The following TNFRSF10C variants were observed in gnomAD, a reference collection of about 807,000 sequenced individuals.
The protein encoded by TNFRSF10C is TNF receptor superfamily member 10c, also known as tumor necrosis factor receptor superfamily member 10C.
In TNFRSF10C, 17 loss-of-function variants were observed where a neutral mutation model predicts 16.7. The ratio of observed to expected loss-of-function variants is 1.02; its 90% CI spans 0.70 to 1.53. The LOEUF (loss-of-function observed/expected upper bound fraction) is 1.53, where lower values mean the gene tolerates loss of function less well. TNFRSF10C is among the 40% of genes most tolerant of loss of function. The pLI is 0.00. For synonymous variants in TNFRSF10C, 73 were observed against 119.7 expected (o/e 0.61, Z 2.55); for missense variants, 237 against 329.7 (o/e 0.72, Z 2.18).
intron 1 of TNFRSF10C, among the ~76,000 whole-genome samples, chr8:23,105,074 T>C (rs141199756): frequency 6.6e-6 from 1 of 152,246 alleles, no homozygotes; most frequent in East Asian, 1.9e-4. Context: ...ACACCATTCC[T>C]CTCTCTATCA....
intron 1 of TNFRSF10C, among the ~76,000 whole-genome samples, chr8:23,109,970 T>G (rs10103755): frequency 0.11 from 16,510 of 148,570 alleles, 1,190 homozygotes; most frequent in East Asian, 0.35. Context: ...GCAGGACCAC[T>G]TGAGCCTGGG....
intron 4 of TNFRSF10C, 30 bp from the exon 5 acceptor site, chr8:23,116,611 G>A (rs577124879): frequency 5.9e-5 from 94 of 1,600,066 alleles, no homozygotes; most frequent in Non-Finnish European, 7.7e-5. Flanking sequence ...TCCCTCAGGA[G>A]TCCTCACCTC....
rs56263402 is a variant in TNFRSF10C, at chr8:23,110,069, CAAAAAAAAA to C, written c.61-1633_61-1625del. ...GGAGGACAGAGGGAGACCCTGTCTC[CAAAAAAAAA>C]AAAAAAAAAAAAAAAAAGACAAAAT... is the stretch of plus-strand genomic sequence containing the variant. On this transcript the variant is annotated intron_variant, in intron 1 of 4. Coordinates refer to ENST00000356864, the MANE Select transcript of TNFRSF10C (RefSeq NM_003841.5). 5.0e-4 allele frequency among the ~76,000 whole-genome samples: 20 copies of C among 39,650 alleles called. No individual in the cohort carries two copies. The South Asian group carries it at 7.8e-3, about 15-fold the overall frequency. The allele number at this position is 39,650 out of a possible 152,430, so 26.0% of individuals were successfully genotyped here. A position where few individuals can be genotyped will look rare whatever the true frequency, so the allele number is the denominator to read the frequency against.
At position 23,116,636 on chromosome 8, in the gene TNFRSF10C, C is replaced by T. The variant is rs919674401; in HGVS notation, c.390-5C>T. On this transcript the variant is annotated splice_region_variant and splice_polypyrimidine_tract_variant and intron_variant, in intron 4 of 4. Transcript: ENST00000356864. ...GTCCTCACCTCCCTCTCTGTGTGTA[C>T]CCAGGTGCCCTAGTGGGGAAGTCCA... is the stretch of plus-strand genomic sequence containing the variant. 2.5e-6 allele frequency: 4 copies of T among 1,611,692 alleles called. No individual in the cohort carries two copies. Among genetic ancestry groups the T allele is most frequent in the South Asian group, 1.1e-5 (1 of 90,814 alleles).
intron 3 of TNFRSF10C, 56 bp downstream of exon 3, chr8:23,114,826 A>G: frequency 6.7e-7 from 1 of 1,494,936 alleles, no homozygotes; most frequent in Non-Finnish European, 9.3e-7. Context: ...ATGAGGTGGG[A>G]GTTGTAGCCG....
chr8:23,115,057 C>T (rs554312098), intron 3 of TNFRSF10C, among the ~76,000 whole-genome samples: 5 of 152,236 alleles, frequency 3.3e-5, no homozygotes, highest in African/African-American at 9.6e-5. Flanking sequence ...AGTAGTGGCA[C>T]GGGTCTGCTC....
intron 1 of TNFRSF10C, among the ~76,000 whole-genome samples, chr8:23,109,634 CAAA>C (rs57125788): frequency 2.9e-5 from 4 of 139,950 alleles, no homozygotes; most frequent in African/African-American, 2.7e-5. Context: ...GACTCCATCT[CAAA>C]AAAAAAAAAG....
intron 1 of TNFRSF10C, among the ~76,000 whole-genome samples, chr8:23,106,222 T>A (rs1813772803): frequency 1.3e-5 from 2 of 151,964 alleles, no homozygotes; most frequent in South Asian, 4.1e-4. Context: ...AGGGATTATA[T>A]AACTAATAGG....
intron 1 of TNFRSF10C, chr8:23,103,396 TG>T (rs749131720): frequency 2.8e-4 from 230 of 810,734 alleles, no homozygotes; most frequent in Admixed American, 6.1e-4. Flanking sequence ...GCGGTCCCCC[TG>T]GCTGCCCCGA....
chr8:23,115,416 T>C, intron 3 of TNFRSF10C, 92 bp from the exon 4 acceptor site: 1 of 1,075,738 alleles, frequency 9.3e-7, no homozygotes, highest in South Asian at 1.5e-5. Flanking sequence ...TTGGTGAACT[T>C]GGTTGAGCTG....
intron 1 of TNFRSF10C, among the ~76,000 whole-genome samples, chr8:23,109,607 G>C (rs1461227755): frequency 2.0e-5 from 3 of 150,248 alleles, no homozygotes; most frequent in East Asian, 2.0e-4. Context: ...ACTGCACTCC[G>C]GCCTGGGAGA....
intron 4 of TNFRSF10C, among the ~76,000 whole-genome samples, chr8:23,116,214 C>T (rs1813979852): frequency 6.6e-6 from 1 of 152,218 alleles, no homozygotes; most frequent in East Asian, 1.9e-4. Context: ...GTAATTTGTT[C>T]TTCTCTGGCC....
At chr8:23,106,036 C>T (rs1273243412) in intron 1 of TNFRSF10C, among the ~76,000 whole-genome samples, 1 of 152,134 alleles carries the variant, frequency 6.6e-6, no homozygotes, top group Non-Finnish European at 1.5e-5. Flanking sequence ...TGAGCTGAGG[C>T]CACAACTGCG....
Position 23,102,933 on chromosome 8 carries a change from G to T in TNFRSF10C, c.-189G>T, listed in dbSNP as rs1171029272. The T allele has an allele frequency of 6.7e-7, 1 of 1,484,978 alleles. No individual in the cohort carries two copies. The highest frequency in any genetic ancestry group is 1.4e-5 in the African/African-American group (1 of 71,056). 92.0% of individuals were successfully genotyped at this position (1,484,978 alleles called of 1,614,324 possible). ...GCGCTCCGATTCTGGCAGTGCAGCT[G>T]TGGGAACCTCTCCACGCGCACGAAC... On this transcript the variant is annotated 5_prime_UTR_variant, in exon 1 of 5. Coordinates refer to ENST00000356864, the MANE Select transcript of TNFRSF10C (RefSeq NM_003841.5).
At chr8:23,114,926 G>T (rs1267740544) in intron 3 of TNFRSF10C, among the ~76,000 whole-genome samples, 156 bp downstream of exon 3, 1 of 151,942 alleles carries the variant, frequency 6.6e-6, no homozygotes, top group Non-Finnish European at 1.5e-5. Context: ...AAAATAGAAA[G>T]AAATCTTTTC....
rs41308122 is a variant in TNFRSF10C, at chr8:23,103,040, C to A, written c.-82C>A. 41,760 of 1,568,272 alleles carry A rather than the reference C, an allele frequency of 0.027. 1,722 individuals carry two copies. Among genetic ancestry groups the A allele is most frequent in the Admixed American group, 0.19 (10,150 of 52,162 alleles). On this transcript the variant is annotated 5_prime_UTR_variant, in exon 1 of 5. Coordinates refer to ENST00000356864, the MANE Select transcript of TNFRSF10C (RefSeq NM_003841.5). ...AGGAGCGCTTCCTACCGTTAGGGAA[C>A]TCTGGGGACAGAGCGCCCCGGCCGC... is the stretch of plus-strand genomic sequence containing the variant.
At position 23,116,709 on chromosome 8, in the gene TNFRSF10C, T is replaced by G. The variant is rs1263890308; in HGVS notation, c.458T>G (p.Phe153Cys). 6.2e-7 allele frequency: 1 copy of G among 1,613,974 alleles called. No individual in the cohort carries two copies. ...GATGATATCCAGTGTGTTGAAGAAT[T>G]TGGTGCCAATGCCACTGTGGAAACC... ...SWDDIQCVEE[F>C]GANATVETPA... The change falls in exon 5 of 5, where the codon TTT (phenylalanine) becomes TGT (cysteine). Residue 153 changes from phenylalanine (F) to cysteine (C), a missense_variant. Phe to Cys is a radical substitution (Grantham distance 205, BLOSUM62 -2). Transcript: ENST00000356864.
chr8:23,109,634 CA>C (rs57125788), intron 1 of TNFRSF10C, among the ~76,000 whole-genome samples: 113,546 of 139,874 alleles, frequency 0.81, 45,577 homozygotes, highest in Admixed American at 0.87. Context: ...GACTCCATCT[CA>C]AAAAAAAAAA....
Position 23,114,680 on chromosome 8 carries a change from G to A in TNFRSF10C, c.190G>A (p.Gly64Arg). ...PAGSHRSEHT[G>R]ACNPCTEGVD... ...AGGATCTCATAGATCAGAACATACT[G>A]GAGCCTGTAACCCGTGCACAGAGGG... Residue 64 changes from glycine to arginine, a missense_variant, in exon 3 of 5, where the codon GGA becomes AGA. Gly to Arg is a moderately radical substitution (Grantham distance 125, BLOSUM62 -2). Transcript: ENST00000356864. The A allele has an allele frequency of 6.2e-7, 1 of 1,611,570 alleles. No homozygotes were observed. Among genetic ancestry groups the A allele is most frequent in the Non-Finnish European group, 8.5e-7 (1 of 1,179,896 alleles).
Sources: allele counts gnomAD v4.1 joint callset (sites outside exome capture counted in the v4.1 genomes callset), GRCh38; gene constraint gnomAD v4.1.1; transcripts MANE v1.5; gene names NCBI Gene and HGNC (gene_info 2026-07-23, HGNC 2026-07-21).